Variants in HERC6 observed in about 807,000 individuals in gnomAD.
HERC6 encodes HECT and RLD domain containing E3 ubiquitin protein ligase family member 6.
In HERC6, 101 loss-of-function variants were observed where a neutral mutation model predicts 114.5. That is an observed-to-expected ratio of 0.88 (90% CI 0.75 to 1.04). HERC6 has a LOEUF of 1.04. Among genes scored for constraint, HERC6 ranks in the 50% least tolerant of loss-of-function variants. The pLI is 0.00. For synonymous variants in HERC6, 408 were observed against 436.2 expected, an observed-to-expected ratio of 0.94 and a Z score of 0.81; for missense variants, 1,133 against 1,230.9, an observed-to-expected ratio of 0.92 and a Z score of 1.19.
intron 12 of HERC6, among the ~76,000 whole-genome samples, chr4:88,415,076 C>G (rs1272379603): frequency 6.6e-6 from 1 of 152,120 alleles, no homozygotes; most frequent in African/African-American, 2.4e-5. Flanking sequence ...ATGTAAGCCA[C>G]CCAGTTCCCC....
intron 22 of HERC6, among the ~76,000 whole-genome samples, chr4:88,441,513 AGCACTAAG>A (rs1739352955): frequency 6.6e-6 from 1 of 152,120 alleles, no homozygotes; most frequent in African/African-American, 2.4e-5. Flanking sequence ...CAGGCTCTTG[AGCACTAAG>A]CTCTGTAGCC....
rs1226711692 is a variant in HERC6, at chr4:88,378,985, G to C, written c.64G>C (p.Gly22Arg). Residue 22 changes from glycine to arginine, a missense_variant, in exon 1 of 23, where the codon GGG becomes CGG. By Grantham distance (125) the Gly-to-Arg change is moderately radical. Transcript: ENST00000264346. ...GCGCCGGAGGACGGCGGGCAGCCCC[G>C]GGGCTGAGCTACTGCAGGCGGCCAG... ...LQRRRTAGSPGAELLQAASGE... is the reference protein window; with the variant it reads ...LQRRRTAGSPRAELLQAASGE... 6.3e-7 allele frequency: 1 copy of C among 1,581,672 alleles called. No homozygotes were observed. The highest frequency in any genetic ancestry group is 8.6e-7 in the Non-Finnish European group (1 of 1,165,494).
At chr4:88,428,492 C>A (rs1297381761) in intron 15 of HERC6, 88 bp from the exon 16 acceptor site, 1 of 1,001,204 alleles carries the variant, frequency 1.0e-6, no homozygotes, top group Non-Finnish European at 1.4e-6. Context: ...GTATATACTA[C>A]ACAAAATGTT....
intron 4 of HERC6, among the ~76,000 whole-genome samples, chr4:88,391,603 C>A (rs532955431): frequency 6.6e-6 from 1 of 152,328 alleles, no homozygotes; most frequent in East Asian, 1.9e-4. Context: ...GGGGGTGAAA[C>A]CCAGAAGCAT....
chr4:88,390,548 A>G (rs1321371232), intron 3 of HERC6, 104 bp from the exon 4 acceptor site: 1 of 991,768 alleles, frequency 1.0e-6, no homozygotes, highest in Non-Finnish European at 1.5e-6. Context: ...TTTGTCAATT[A>G]TCCCTCATTA....
intron 13 of HERC6, among the ~76,000 whole-genome samples, chr4:88,420,010 C>A (rs1179968164): frequency 6.6e-6 from 1 of 151,990 alleles, no homozygotes; most frequent in Non-Finnish European, 1.5e-5. Context: ...CTTCTCCTCT[C>A]CCTCTCCCTC....
chr4:88,388,009 A>G (rs1039644979), intron 3 of HERC6, among the ~76,000 whole-genome samples: 1 of 152,252 alleles, frequency 6.6e-6, no homozygotes, highest in Non-Finnish European at 1.5e-5. Flanking sequence ...CCTCAAAATT[A>G]TTTTTAGTGT....
rs1393643975 is a variant in HERC6 at position 88,417,572 on chromosome 4, T to A, written c.1706T>A (p.Leu569Gln). 5.0e-6 allele frequency: 8 copies of A among 1,612,406 alleles called. No individual in the cohort carries two copies. The Admixed American group carries it at 1.3e-4, about 27-fold the overall frequency. Reference sequence around the variant, plus strand: ...GCTCTTTTAGGAATGATGAAAGAACTGCATAAGGTAAGGGTTACTCTAAAG... The same window carrying A: ...GCTCTTTTAGGAATGATGAAAGAACAGCATAAGGTAAGGGTTACTCTAAAG... ...VKALLGMMKE[L>Q]HKVNKANCRL... The change falls in exon 13 of 23, where the codon CTG becomes CAG. Residue 569 changes from leucine to glutamine, a missense_variant. Leu to Gln is a moderately radical substitution (Grantham distance 113). This residue lies in a region of HERC6 where 735 missense variants were observed against 754.0 expected (regional missense o/e 0.97). Coordinates refer to ENST00000264346, the MANE Select transcript of HERC6 (RefSeq NM_017912.4).
At position 88,390,660 on chromosome 4, in the gene HERC6, G is replaced by T; in HGVS notation, c.445G>T (p.Val149Leu). 6.2e-7 allele frequency: 1 copy of T among 1,600,850 alleles called. No individual in the cohort carries two copies. The highest frequency in any genetic ancestry group is 1.1e-5 in the South Asian group (1 of 90,802). ...TCTCGTCTTTGTTGTAGATAGCCAA[G>T]TGTTTTCGTGGGGAAAGAACAGCCA... ...HSLALSKDSQ[V>L]FSWGKNSHGQ... The change falls in exon 4 of 23, where the codon GTG becomes TTG. Residue 149 changes from valine (V) to leucine (L), a missense_variant. Physicochemically the swap from Val to Leu is conservative, Grantham distance 32. Coordinates refer to ENST00000264346, the MANE Select transcript of HERC6 (RefSeq NM_017912.4).
At chr4:88,412,591 G>C (rs1736176344) in intron 11 of HERC6, among the ~76,000 whole-genome samples, 1 of 152,282 alleles carries the variant, frequency 6.6e-6, no homozygotes, top group South Asian at 2.1e-4. Context: ...ACTACACGCT[G>C]AAGTAAAACT....
In HERC6 at chr4:88,391,002, G is replaced by C. The variant is rs137891267; in HGVS notation, c.664+123G>C. On this transcript the variant is annotated intron_variant, in intron 4 of 22. Transcript: ENST00000264346. ...CCCAAACTTGTGACACATTCGAATA[G>C]CCTAGGGAGCTATATTAGTTTCTTG... is the stretch of plus-strand genomic sequence containing the variant. 2.7e-5 allele frequency: 19 copies of C among 716,526 alleles called. 1 individual carries two copies. The Admixed American group carries it at 4.9e-4, about 19-fold the overall frequency. The allele number at this position is 716,526 out of a possible 1,614,324, so 44.4% of individuals were successfully genotyped here.
intron 18 of HERC6, 105 bp from the exon 19 acceptor site, chr4:88,436,800 T>C: frequency 1.5e-6 from 1 of 682,304 alleles, no homozygotes. Flanking sequence ...ATTTATATTA[T>C]ATTTTATACA....
chr4:88,437,579 C>T, intron 19 of HERC6, 132 bp from the exon 20 acceptor site: 1 of 644,156 alleles, frequency 1.6e-6, no homozygotes, highest in East Asian at 2.8e-5. Context: ...GGCTGAACTA[C>T]ATAAAAAATT....
rs975463968 is a variant in HERC6, at chr4:88,418,353, C to T, written c.1713+774C>T. Among the ~76,000 whole-genome samples the T allele has an allele frequency of 8.5e-5, 13 of 152,212 alleles. No homozygotes were observed. In the South Asian group the frequency reaches 1.0e-3, roughly 12 times the overall value. On this transcript the variant is annotated intron_variant, in intron 13 of 22. Coordinates refer to ENST00000264346, the MANE Select transcript of HERC6 (RefSeq NM_017912.4). ...GAAAAACCCTCCCTCAAAGTAGGAGCGAGCCAAAAGACCAAAAAATGACTT... is the reference window on the plus strand; with the variant it reads ...GAAAAACCCTCCCTCAAAGTAGGAGTGAGCCAAAAGACCAAAAAATGACTT...
At chr4:88,412,432 T>G (rs1736162962) in intron 11 of HERC6, among the ~76,000 whole-genome samples, 1 of 152,068 alleles carries the variant, frequency 6.6e-6, no homozygotes, top group South Asian at 2.1e-4. Flanking sequence ...ATAGTGAGAC[T>G]CCATCTCTAC....
intron 10 of HERC6, among the ~76,000 whole-genome samples, chr4:88,407,092 T>C (rs555356258): frequency 7.3e-5 from 11 of 151,670 alleles, no homozygotes; most frequent in Non-Finnish European, 1.3e-4. Flanking sequence ...TTATTTATAT[T>C]TTTGAGACAG....
chr4:88,421,670 T>A (rs926998355), intron 13 of HERC6, among the ~76,000 whole-genome samples: 1 of 152,144 alleles, frequency 6.6e-6, no homozygotes, highest in Non-Finnish European at 1.5e-5. Flanking sequence ...GGTCCCGAAC[T>A]CCTGACCTCA....
intron 10 of HERC6, among the ~76,000 whole-genome samples, chr4:88,408,033 G>A (rs536529232): frequency 1.3e-5 from 2 of 152,342 alleles, no homozygotes; most frequent in African/African-American, 2.4e-5. Flanking sequence ...GGCACAAACT[G>A]TTGATGCTCT....
intron 18 of HERC6, among the ~76,000 whole-genome samples, chr4:88,436,288 G>A (rs917622785): frequency 6.6e-6 from 1 of 152,118 alleles, no homozygotes; most frequent in African/African-American, 2.4e-5. Flanking sequence ...GTAATTGAGG[G>A]AATAAATAAA....
Sources: allele counts gnomAD v4.1 joint callset (sites outside exome capture counted in the v4.1 genomes callset), GRCh38; gene constraint gnomAD v4.1.1; regional missense constraint gnomAD v4.1.1; transcripts MANE v1.5; gene names NCBI Gene and HGNC (gene_info 2026-07-23, HGNC 2026-07-21).